FAM53B: variants seen among roughly 807,000 people sequenced by gnomAD.
FAM53B encodes family with sequence similarity 53 member B.
A neutral mutation model predicts 32.7 loss-of-function variants in FAM53B; 12 were observed. The observed-to-expected ratio is 0.37, with a 90% CI of 0.24 to 0.59. FAM53B has a LOEUF of 0.59. FAM53B is among the 20% of genes least tolerant of loss of function. FAM53B has a pLI of 0.72. For synonymous variants in FAM53B, 234 were observed against 228.7 expected, an observed-to-expected ratio of 1.02 and a Z score of -0.21; for missense variants, 477 against 577.7, an observed-to-expected ratio of 0.83 and a Z score of 1.79.
At chr10:124,627,443 C>T (rs1480145932) in intron 4 of FAM53B, among the ~76,000 whole-genome samples, 3 of 152,256 alleles carry the variant, frequency 2.0e-5, no homozygotes, top group Non-Finnish European at 4.4e-5. Context: ...CAAAGTGCTG[C>T]ATGAACACAT....
chr10:124,651,272 G>A lies in FAM53B; in HGVS notation c.907-27668C>T, dbSNP rs1363816394. Among the ~76,000 whole-genome samples the A allele has an allele frequency of 6.6e-6, 1 of 152,236 alleles. No individual in the cohort carries two copies. The highest frequency in any genetic ancestry group is 1.9e-4 in the East Asian group (1 of 5,188). On this transcript the variant is annotated intron_variant, in intron 4 of 4. Transcript: ENST00000337318. This position sits in a 1 kb window ranked among gnomAD's most constrained non-coding sequence, Gnocchi z 5.2. ...GCCTTTTCCAGGAGCTGAGGCCCCAGGGCCCTAACTCAGTTCCCTCGTGTT... is the reference window on the plus strand; with the variant it reads ...GCCTTTTCCAGGAGCTGAGGCCCCAAGGCCCTAACTCAGTTCCCTCGTGTT...
intron 4 of FAM53B, among the ~76,000 whole-genome samples, chr10:124,655,291 CAGG>C (rs758643532): frequency 2.0e-5 from 3 of 152,282 alleles, no homozygotes; most frequent in Non-Finnish European, 2.9e-5. Context: ...TCTCACACAG[CAGG>C]AGGCCATTCA....
chr10:124,727,482 A>C (rs960532843), intron 1 of FAM53B, among the ~76,000 whole-genome samples: 6 of 152,082 alleles, frequency 3.9e-5, no homozygotes, highest in Non-Finnish European at 1.5e-5. Context: ...TAGTGCCCGG[A>C]GTACTGGCTT....
At chr10:124,713,274 T>C (rs983588170) in intron 1 of FAM53B, among the ~76,000 whole-genome samples, 7 of 152,298 alleles carry the variant, frequency 4.6e-5, no homozygotes, top group South Asian at 4.1e-4. Flanking sequence ...AATCAAGTCA[T>C]TTGCCCAATA....
At chr10:124,699,540 C>A (rs1451298048) in intron 2 of FAM53B, among the ~76,000 whole-genome samples, 1 of 152,248 alleles carries the variant, frequency 6.6e-6, no homozygotes, top group Non-Finnish European at 1.5e-5. Context: ...CTCGAAAGAA[C>A]GACTTCTCCA....
rs59057344 is a variant in FAM53B, at chr10:124,620,640, G to T, written c.*2602C>A. 6,794 of 152,668 alleles carry T rather than the reference G, an allele frequency of 0.045. 249 individuals are homozygous for T. Among genetic ancestry groups the T allele is most frequent in the East Asian group, 0.14 (703 of 5,190 alleles). 9.5% of individuals were successfully genotyped at this position (152,668 alleles called of 1,614,324 possible). A position where few individuals can be genotyped will look rare whatever the true frequency, so the allele number is the denominator to read the frequency against. On this transcript the variant is annotated 3_prime_UTR_variant, in exon 5 of 5. Coordinates refer to ENST00000337318, the MANE Select transcript of FAM53B (RefSeq NM_014661.4). The stretch of plus-strand genomic sequence containing the variant: ...CCCTCCCAGAGGACTGAGATCAGAA[G>T]TCCTGGGGCCAGCAGGGTGGAGTGC...
At position 124,682,920 on chromosome 10, in the gene FAM53B, A is replaced by C. The variant is rs984254435; in HGVS notation, c.134-541T>G. 2.0e-5 allele frequency among the ~76,000 whole-genome samples: 3 copies of C among 152,214 alleles called. No individual in the cohort carries two copies. The highest frequency in any genetic ancestry group is 4.4e-5 in the Non-Finnish European group (3 of 68,038). On this transcript the variant is annotated intron_variant, in intron 3 of 4. Coordinates refer to ENST00000337318, the MANE Select transcript of FAM53B (RefSeq NM_014661.4). This position sits in a 1 kb window ranked among gnomAD's most constrained non-coding sequence, Gnocchi z 5.2. Reference sequence around the variant, plus strand: ...GGGCACTGCCAGGTTAGTTCACCCCAATTCCACCTTGAAAGCCTTTGCTGA... The same window carrying C: ...GGGCACTGCCAGGTTAGTTCACCCCCATTCCACCTTGAAAGCCTTTGCTGA...
chr10:124,636,997 A>AG (rs761259331), intron 4 of FAM53B, among the ~76,000 whole-genome samples: 6 of 152,122 alleles, frequency 3.9e-5, no homozygotes, highest in Non-Finnish European at 7.4e-5. Context: ...CATAAGGAGA[A>AG]GGCAGGCAAG....
chr10:124,642,681 C>CTGAA (rs1242336737), intron 4 of FAM53B, among the ~76,000 whole-genome samples: 11 of 152,148 alleles, frequency 7.2e-5, no homozygotes, highest in African/African-American at 2.7e-4. Context: ...ATCACAGAAG[C>CTGAA]TTTCAGACAG....
intron 1 of FAM53B, among the ~76,000 whole-genome samples, chr10:124,732,487 G>A (rs551540649): frequency 3.3e-5 from 5 of 152,196 alleles, no homozygotes; most frequent in Non-Finnish European, 5.9e-5. Context: ...ACGCCACCAC[G>A]CCATGTCTCA....
intron 4 of FAM53B, among the ~76,000 whole-genome samples, chr10:124,636,191 G>A (rs1249435278): frequency 6.6e-6 from 1 of 152,180 alleles, no homozygotes; most frequent in Non-Finnish European, 1.5e-5. Flanking sequence ...TTCCAAGGTC[G>A]AATTCCCACC....
intron 3 of FAM53B, among the ~76,000 whole-genome samples, chr10:124,684,115 G>C (rs1342959279): frequency 6.6e-6 from 1 of 152,368 alleles, no homozygotes; most frequent in East Asian, 1.9e-4. Context: ...AGGGGCTGGG[G>C]ACCCTGACAG....
chr10:124,681,664 C>A lies in FAM53B; in HGVS notation c.849G>T (p.Arg283=). ...LNDKKVGVKR[R]RPEEVQEQRP... is the part of the protein sequence containing the mutation. The stretch of plus-strand genomic sequence containing the variant: ...TCTGCTCTTGCACTTCTTCAGGGCG[C>A]CGCCTTTTAACACCGACCTTCTTGT... Residue 283 remains arginine (R), a synonymous_variant, in exon 4 of 5, where the codon CGG becomes CGT. Coordinates refer to ENST00000337318, the MANE Select transcript of FAM53B (RefSeq NM_014661.4). 2 of 1,612,442 alleles carry A rather than the reference C, an allele frequency of 1.2e-6. No homozygotes were observed. Among genetic ancestry groups the A allele is most frequent in the Non-Finnish European group, 1.7e-6 (2 of 1,179,302 alleles).
intron 3 of FAM53B, among the ~76,000 whole-genome samples, chr10:124,692,364 T>A (rs552310813): frequency 1.3e-5 from 2 of 152,250 alleles, no homozygotes; most frequent in South Asian, 4.1e-4. Context: ...GGGCCCGGTA[T>A]CCAGCTTGCA....
At chr10:124,637,397 G>C (rs1048456713) in intron 4 of FAM53B, among the ~76,000 whole-genome samples, 1 of 152,174 alleles carries the variant, frequency 6.6e-6, no homozygotes, top group Non-Finnish European at 1.5e-5. Flanking sequence ...TGCACAATGA[G>C]GGTCTTCGGC....
intron 4 of FAM53B, among the ~76,000 whole-genome samples, chr10:124,659,569 A>G (rs1489269341): frequency 6.6e-6 from 1 of 152,252 alleles, no homozygotes; most frequent in Non-Finnish European, 1.5e-5. Context: ...GACAGCCTCC[A>G]CTGCCTAACT....
chr10:124,653,613 T>A (rs1243294123), intron 4 of FAM53B, among the ~76,000 whole-genome samples: 2 of 152,216 alleles, frequency 1.3e-5, no homozygotes, highest in Non-Finnish European at 1.5e-5. Context: ...GTCAGACTCA[T>A]GAGCCAGACT....
chr10:124,657,113 T>A (rs990990214), intron 4 of FAM53B, among the ~76,000 whole-genome samples: 1 of 128,914 alleles, frequency 7.8e-6, no homozygotes, highest in African/African-American at 2.7e-5. Context: ...TATATATGTG[T>A]GTGTGTATAT....
chr10:124,743,646 T>G (rs1377555261), intron 1 of FAM53B, among the ~76,000 whole-genome samples: 2 of 151,296 alleles, frequency 1.3e-5, no homozygotes, highest in East Asian at 2.0e-4. Flanking sequence ...AGGGCTCAAG[T>G]TGAGACGCGG....
Sources: gnomAD v4.1 joint callset for allele counts (sites outside exome capture counted in the v4.1 genomes callset) on GRCh38, gnomAD v4.1.1 for gene constraint, Gnocchi (gnomAD v3.1) non-coding constraint, MANE v1.5 for transcripts, NCBI Gene and HGNC (gene_info 2026-07-23, HGNC 2026-07-21) for gene names.